Variants in RADIL observed in about 807,000 individuals in gnomAD.
RADIL encodes the protein ras-associating and dilute domain-containing protein.
A neutral mutation model predicts 97.6 loss-of-function variants in RADIL; 99 were observed. That is an observed-to-expected ratio of 1.01 (90% CI 0.86 to 1.20). The LOEUF is 1.20. RADIL is among the 50% of genes most tolerant of loss of function. The pLI is 0.00. For synonymous variants in RADIL, 803 were observed against 691.8 expected (o/e 1.16, Z -2.52); for missense variants, 1,765 against 1,498.9 (o/e 1.18, Z -2.93).
Position 4,800,174 on chromosome 7 carries a change from C to T in RADIL, c.2979G>A (p.Gly993=), listed in dbSNP as rs1210087477. The T allele has an allele frequency of 6.2e-7, 1 of 1,607,744 alleles. No homozygotes were observed. Among genetic ancestry groups the T allele is most frequent in the Non-Finnish European group, 8.5e-7 (1 of 1,178,518 alleles). Residue 993 remains glycine (G), a synonymous_variant, in exon 13 of 15, where the codon GGG becomes GGA. Transcript: ENST00000399583. ...GCGAGGGTCCTGGGCCACTCACCAT[C>T]CCGTCGATCAGGCCCATCCCCAGCC... The part of the protein sequence containing the change: ...PSGLGMGLID[G]MHTHLGAPGL...
At position 4,799,234 on chromosome 7, in the gene RADIL, T is replaced by C; in HGVS notation, c.*144A>G. 1.5e-6 allele frequency: 1 copy of C among 654,460 alleles called. No homozygotes were observed. The highest frequency in any genetic ancestry group is 2.7e-6 in the Non-Finnish European group (1 of 374,040). 40.5% of individuals were successfully genotyped at this position (654,460 alleles called of 1,614,324 possible). A position where few individuals can be genotyped will look rare whatever the true frequency, so the allele number is the denominator to read the frequency against. On this transcript the variant is annotated 3_prime_UTR_variant, in exon 15 of 15. Coordinates refer to ENST00000399583, the MANE Select transcript of RADIL (RefSeq NM_018059.5). ...ATAGAACCTACACTGAGATGCATGT[T>C]ATCAACAGGCATGTCCCCAGGGTGA... is the stretch of plus-strand genomic sequence containing the variant.
chr7:4,825,214 A>G (rs1782939856), intron 5 of RADIL, among the ~76,000 whole-genome samples: 1 of 152,074 alleles, frequency 6.6e-6, no homozygotes, highest in Non-Finnish European at 1.5e-5. Flanking sequence ...GGGGAAGGGC[A>G]CTCAGCAGGG....
intron 2 of RADIL, among the ~76,000 whole-genome samples, chr7:4,852,288 T>C (rs572122527): frequency 6.6e-6 from 1 of 152,130 alleles, no homozygotes; most frequent in South Asian, 2.1e-4. Flanking sequence ...GAAGCCAAGA[T>C]CCCAGAGGGT....
Position 4,817,481 on chromosome 7 carries a change from T to C in RADIL, c.1616-130A>G. 1 of 719,790 alleles carries C rather than the reference T, an allele frequency of 1.4e-6. No homozygotes were observed. The highest frequency in any genetic ancestry group is 2.2e-6 in the Non-Finnish European group (1 of 444,600). 44.6% of individuals were successfully genotyped at this position (719,790 alleles called of 1,614,324 possible). On this transcript the variant is annotated intron_variant, in intron 6 of 14. Transcript: ENST00000399583. This position sits in a 1 kb window ranked among gnomAD's most constrained non-coding sequence, Gnocchi z 8.3. Reference sequence around the variant, plus strand: ...GCGCCCATCTGGGGTCCAGATGCGATAAACTGGCCGAGGGACTCTGGGCCC... The same window carrying C: ...GCGCCCATCTGGGGTCCAGATGCGACAAACTGGCCGAGGGACTCTGGGCCC...
intron 2 of RADIL, among the ~76,000 whole-genome samples, chr7:4,853,985 A>G (rs1287590794): frequency 6.6e-6 from 1 of 152,184 alleles, no homozygotes; most frequent in Non-Finnish European, 1.5e-5. Context: ...CGGTGCAGTC[A>G]GTGAAAGATG....
Position 4,817,316 on chromosome 7 carries a change from C to G in RADIL, c.1651G>C (p.Ala551Pro), listed in dbSNP as rs755443641. ...KESLFSCTLT[A>P]SEEAMAVLEE... ...AGCACCGCCATGGCCTCCTCGCTGG[C>G]CGTCAGCGTGCAGGAGAACAGCGAT... The change falls in exon 7 of 15, where the codon GCC becomes CCC. Residue 551 changes from alanine to proline, a missense_variant. Transcript: ENST00000399583. This position sits in a 1 kb window ranked among gnomAD's most constrained non-coding sequence, Gnocchi z 8.3. 3.1e-6 allele frequency: 5 copies of G among 1,612,492 alleles called. No individual in the cohort carries two copies. In the Admixed American group the frequency reaches 6.7e-5, roughly 22 times the overall value.
chr7:4,882,451 G>T (rs1562463671), intron 1 of RADIL, among the ~76,000 whole-genome samples: 1 of 152,210 alleles, frequency 6.6e-6, no homozygotes, highest in Non-Finnish European at 1.5e-5. Flanking sequence ...TGCTCTTAGA[G>T]AATGTTTTCT....
rs747508168 is a variant in RADIL at position 4,861,752 on chromosome 7, C to A, written c.535+15853G>T. The A allele has an allele frequency of 9.3e-6, 14 of 1,502,320 alleles. No individual in the cohort carries two copies. The Admixed American group carries it at 2.4e-4, about 26-fold the overall frequency. 93.1% of individuals were successfully genotyped at this position (1,502,320 alleles called of 1,614,324 possible). The stretch of plus-strand genomic sequence containing the variant: ...ACTGATAGGCGAGGAGACGCCGTAG[C>A]GATTCGGCGGCGGCGCCGGCTGCGG... On this transcript the variant is annotated intron_variant, in intron 2 of 14. Coordinates refer to ENST00000399583, the MANE Select transcript of RADIL (RefSeq NM_018059.5).
Position 4,867,202 on chromosome 7 carries a change from A to T in RADIL, c.535+10403T>A, listed in dbSNP as rs540247973. 6.6e-6 allele frequency among the ~76,000 whole-genome samples: 1 copy of T among 152,228 alleles called. No individual in the cohort carries two copies. The highest frequency in any genetic ancestry group is 2.4e-5 in the African/African-American group (1 of 41,456). On this transcript the variant is annotated intron_variant, in intron 2 of 14. Transcript: ENST00000399583. The surrounding 1 kb of genome is among the most constrained non-coding windows in gnomAD (Gnocchi z 4.1). The stretch of plus-strand genomic sequence containing the variant: ...AGCCTAAAGGTGTTGAGGGGCACAC[A>T]GGCACACGAGGCTTCTGAGGAAGCT...
chr7:4,872,108 G>A lies in RADIL; in HGVS notation c.535+5497C>T, dbSNP rs1397441862. 6.6e-6 allele frequency among the ~76,000 whole-genome samples: 1 copy of A among 152,126 alleles called. No homozygotes were observed. Among genetic ancestry groups the A allele is most frequent in the Non-Finnish European group, 1.5e-5 (1 of 68,022 alleles). ...TCGCCACTGTGGATCAGGCCTGAGGGCCTGGGGCAGGTACTCAGCCATATG... is the reference window on the plus strand; with the variant it reads ...TCGCCACTGTGGATCAGGCCTGAGGACCTGGGGCAGGTACTCAGCCATATG... On this transcript the variant is annotated intron_variant, in intron 2 of 14. Coordinates refer to ENST00000399583, the MANE Select transcript of RADIL (RefSeq NM_018059.5). The surrounding 1 kb of genome is among the most constrained non-coding windows in gnomAD (Gnocchi z 5.8).
In RADIL at chr7:4,816,367, C is replaced by T. The variant is rs758106091; in HGVS notation, c.1827G>A (p.Leu609=). ...WSSAPELPEE[L]RRVVSVYQAA... Reference sequence around the variant, plus strand: ...CCTGGTACACAGACACCACGCGGCGCAGCTCCTCGGGCAGTTCGGGGGCCG... The same window carrying T: ...CCTGGTACACAGACACCACGCGGCGTAGCTCCTCGGGCAGTTCGGGGGCCG... The change falls in exon 8 of 15, where the codon CTG becomes CTA. Residue 609 remains leucine, a synonymous_variant. Coordinates refer to ENST00000399583, the MANE Select transcript of RADIL (RefSeq NM_018059.5). 1.2e-5 allele frequency: 19 copies of T among 1,610,880 alleles called. No individual in the cohort carries two copies. The highest frequency in any genetic ancestry group is 1.5e-5 in the Non-Finnish European group (18 of 1,179,250).
intron 9 of RADIL, chr7:4,809,288 C>G (rs1782465587): frequency 3.0e-6 from 3 of 985,414 alleles, no homozygotes; most frequent in Non-Finnish European, 3.6e-6. Flanking sequence ...CCTTCCATCA[C>G]GAGGTTCCTG....
In RADIL at chr7:4,879,348, G is replaced by T. The variant is rs10281904; in HGVS notation, c.-64-1145C>A. On this transcript the variant is annotated intron_variant, in intron 1 of 14. Coordinates refer to ENST00000399583, the MANE Select transcript of RADIL (RefSeq NM_018059.5). This position sits in a 1 kb window ranked among gnomAD's most constrained non-coding sequence, Gnocchi z 4.1. The stretch of plus-strand genomic sequence containing the variant: ...ACCTCTGTGGGGGCAGGAGGGCAGA[G>T]AAAAAGGAAGGCAGGTCTCCGATTT... 0.085 allele frequency among the ~76,000 whole-genome samples: 12,967 copies of T among 152,294 alleles called. 918 individuals are homozygous for T. Among genetic ancestry groups the T allele is most frequent in the African/African-American group, 0.19 (7,962 of 41,558 alleles).
chr7:4,808,809 G>C (rs1473267055), intron 9 of RADIL: 1 of 957,584 alleles, frequency 1.0e-6, no homozygotes, highest in African/African-American at 2.1e-5. Context: ...CTGCCCCTCC[G>C]TGTCTCCTTC....
intron 4 of RADIL, among the ~76,000 whole-genome samples, chr7:4,833,444 G>A (rs541081464): frequency 2.0e-5 from 3 of 152,178 alleles, no homozygotes; most frequent in South Asian, 4.2e-4. Flanking sequence ...GAGGGGACAC[G>A]GGCACGCTGC....
intron 5 of RADIL, among the ~76,000 whole-genome samples, chr7:4,825,825 T>C (rs1380527515): frequency 7.4e-6 from 1 of 134,838 alleles, no homozygotes; most frequent in Non-Finnish European, 1.5e-5. Flanking sequence ...GAAGTTGCAG[T>C]GAGCCAAGAT....
At chr7:4,802,175 G>T (rs1782110667) in intron 11 of RADIL, among the ~76,000 whole-genome samples, 180 bp from the exon 12 acceptor site, 1 of 152,164 alleles carries the variant, frequency 6.6e-6, no homozygotes, top group African/African-American at 2.4e-5. Flanking sequence ...CCGCCATCCG[G>T]AGCACAGCCT....
In RADIL at chr7:4,805,697, C is replaced by T. The variant is rs376840284; in HGVS notation, c.2159G>A (p.Arg720Gln). 6.8e-6 allele frequency: 11 copies of T among 1,610,462 alleles called. No homozygotes were observed. In the African/African-American group the frequency reaches 1.3e-4, roughly 20 times the overall value. ...QLIQMSWTAL[R>Q]AAFPALSPAQ... ...TGGGCTCAGTGCGGGGAACGCAGCC[C>T]GCAGGGCTGTCCAGCTCATCTGGGT... Residue 720 changes from arginine (R) to glutamine (Q), a missense_variant, in exon 10 of 15, where the codon CGG becomes CAG. Coordinates refer to ENST00000399583, the MANE Select transcript of RADIL (RefSeq NM_018059.5).
At position 4,815,636 on chromosome 7, in the gene RADIL, G is replaced by T; in HGVS notation, c.1967-186C>A. Reference sequence around the variant, plus strand: ...CCAGCCTTGAACCCCTCTCTGGAGCGGGGGTACGGTGGGAGGTGAACGTAG... The same window carrying T: ...CCAGCCTTGAACCCCTCTCTGGAGCTGGGGTACGGTGGGAGGTGAACGTAG... On this transcript the variant is annotated intron_variant, in intron 8 of 14. Coordinates refer to ENST00000399583, the MANE Select transcript of RADIL (RefSeq NM_018059.5). The surrounding 1 kb of genome is among the most constrained non-coding windows in gnomAD (Gnocchi z 8.0). 6.6e-6 allele frequency among the ~76,000 whole-genome samples: 1 copy of T among 152,276 alleles called. No homozygotes were observed. Among genetic ancestry groups the T allele is most frequent in the South Asian group, 2.1e-4 (1 of 4,824 alleles).
Sources: allele counts gnomAD v4.1 joint callset (sites outside exome capture counted in the v4.1 genomes callset), GRCh38; gene constraint gnomAD v4.1.1; non-coding constraint Gnocchi (gnomAD v3.1); transcripts MANE v1.5; gene names NCBI Gene and HGNC (gene_info 2026-07-23, HGNC 2026-07-21).